The following SUGCT variants were observed in gnomAD, a reference collection of about 807,000 sequenced individuals.
SUGCT encodes succinyl-CoA:glutarate-CoA transferase.
Under a neutral mutation model 55.0 loss-of-function variants are expected in SUGCT, and 41 were observed. That is an observed-to-expected ratio of 0.74 (90% confidence interval 0.58 to 0.97). SUGCT has a LOEUF of 0.97. Ranked by LOEUF, SUGCT falls within the 50% of genes least tolerant of loss-of-function variation. The probability of loss-of-function intolerance (pLI) is 0.00; values close to 1 mark genes in which losing one functional copy is unlikely to be tolerated. For synonymous variants in SUGCT, 187 were observed against 200.4 expected, an observed-to-expected ratio of 0.93 and a Z score of 0.56; for missense variants, 568 against 547.8, an observed-to-expected ratio of 1.04 and a Z score of -0.37.
At chr7:40,730,596 G>A (rs538839559) in intron 12 of SUGCT, among the ~76,000 whole-genome samples, 75 of 152,216 alleles carry the variant, frequency 4.9e-4, no homozygotes, top group South Asian at 2.5e-3. Context: ...AATGCAATAC[G>A]TTATTATTAA....
chr7:40,163,183 T>C (rs559855732), intron 1 of SUGCT, among the ~76,000 whole-genome samples: 1 of 152,226 alleles, frequency 6.6e-6, no homozygotes, highest in Admixed American at 6.5e-5. Flanking sequence ...AGCTGGAAAA[T>C]GTGGAAGAGC....
At chr7:40,627,188 A>G (rs1799563889) in intron 12 of SUGCT, among the ~76,000 whole-genome samples, 1 of 152,230 alleles carries the variant, frequency 6.6e-6, no homozygotes, top group South Asian at 2.1e-4. Context: ...AGAATTAGAC[A>G]AAATGCACAA....
intron 9 of SUGCT, among the ~76,000 whole-genome samples, chr7:40,368,457 A>G (rs1030828375): frequency 1.3e-5 from 2 of 152,026 alleles, no homozygotes; most frequent in African/African-American, 4.8e-5. Flanking sequence ...TTGCCCTCCC[A>G]AAGTGCTGGG....
intron 12 of SUGCT, among the ~76,000 whole-genome samples, chr7:40,594,587 G>A (rs1353219329): frequency 1.3e-5 from 2 of 152,138 alleles, no homozygotes; most frequent in Non-Finnish European, 2.9e-5. Context: ...AGGAGTCTGA[G>A]TCAAACTATG....
At chr7:40,884,415 G>C in the SUGCT span, among the ~76,000 whole-genome samples, 3 of 152,214 alleles carry the variant, frequency 2.0e-5, no homozygotes, top group Admixed American at 2.0e-4. Flanking sequence ...TCCCTGGAGA[G>C]ATGGGATGTC....
chr7:40,136,345 C>T (rs943524675), intron 1 of SUGCT, among the ~76,000 whole-genome samples: 3 of 152,170 alleles, frequency 2.0e-5, no homozygotes, highest in African/African-American at 7.2e-5. Flanking sequence ...AAATCATAGC[C>T]TAACGGGTAG....
At chr7:40,443,643 T>C (rs2151417614) in intron 9 of SUGCT, among the ~76,000 whole-genome samples, 1 of 152,340 alleles carries the variant, frequency 6.6e-6, no homozygotes, top group African/African-American at 2.4e-5. Context: ...GATGGGTAGA[T>C]TGCAAAAATT....
At chr7:40,793,660 T>C (rs1237061908) in intron 13 of SUGCT, among the ~76,000 whole-genome samples, 3 of 152,144 alleles carry the variant, frequency 2.0e-5, no homozygotes, top group Non-Finnish European at 1.5e-5. Context: ...TATTATCTTG[T>C]TTATAATTTG....
rs541902306 is a variant in SUGCT at position 40,606,018 on chromosome 7, C to T, written c.1089+109632C>T. ...TCGTATTCAGTCGGAGAAGGCAAGT[C>T]GTTGAACGACTGTCACTAGGAGAGT... On this transcript the variant is annotated intron_variant, in intron 12 of 13. Coordinates refer to ENST00000335693, the MANE Select transcript of SUGCT (RefSeq NM_001193313.2). Among the ~76,000 whole-genome samples the T allele has an allele frequency of 4.1e-4, 63 of 152,226 alleles. 1 individual carries two copies. The highest frequency in any genetic ancestry group is 6.8e-3 in the Middle Eastern group (2 of 294).
intron 13 of SUGCT, among the ~76,000 whole-genome samples, chr7:40,845,841 T>C (rs1313097112): frequency 1.3e-5 from 2 of 152,130 alleles, no homozygotes; most frequent in African/African-American, 4.8e-5. Flanking sequence ...GGGGAAGGAA[T>C]AGAAGATGGT....
At chr7:40,612,142 C>T (rs751012016) in intron 12 of SUGCT, among the ~76,000 whole-genome samples, 19 of 151,934 alleles carry the variant, frequency 1.3e-4, no homozygotes, top group African/African-American at 3.9e-4. Flanking sequence ...ATGGATAGGC[C>T]GTTTTTCAAA....
At chr7:41,028,624 A>C in the SUGCT span, among the ~76,000 whole-genome samples, 2 of 152,232 alleles carry the variant, frequency 1.3e-5, no homozygotes, top group South Asian at 4.1e-4. Flanking sequence ...CAATTGTTAC[A>C]TAATGATAAG....
chr7:40,883,625 C>A, the SUGCT span, among the ~76,000 whole-genome samples: 1 of 152,236 alleles, frequency 6.6e-6, no homozygotes, highest in African/African-American at 2.4e-5. Context: ...AGAATAAGGC[C>A]TTGTTAAATG....
At chr7:40,594,092 G>A (rs971398823) in intron 12 of SUGCT, among the ~76,000 whole-genome samples, 1 of 151,886 alleles carries the variant, frequency 6.6e-6, no homozygotes, top group Non-Finnish European at 1.5e-5. Flanking sequence ...ACCAAACACC[G>A]CATATTCTCA....
At chr7:40,522,780 A>G (rs1338824327) in intron 12 of SUGCT, among the ~76,000 whole-genome samples, 3 of 152,060 alleles carry the variant, frequency 2.0e-5, no homozygotes, top group Non-Finnish European at 4.4e-5. Context: ...TGCAGATATA[A>G]TACAAAATGT....
chr7:41,003,337 T>C, the SUGCT span, among the ~76,000 whole-genome samples: 2 of 152,122 alleles, frequency 1.3e-5, no homozygotes, highest in Non-Finnish European at 2.9e-5. Flanking sequence ...AAAGAAGAAT[T>C]GTCATAAATA....
chr7:40,448,098 G>T (rs967110478), intron 9 of SUGCT, among the ~76,000 whole-genome samples: 1 of 152,184 alleles, frequency 6.6e-6, no homozygotes, highest in South Asian at 2.1e-4. Context: ...GAGGTCCAGA[G>T]AGATACTGAT....
At chr7:40,375,314 T>C (rs1170599666) in intron 9 of SUGCT, among the ~76,000 whole-genome samples, 1 of 152,204 alleles carries the variant, frequency 6.6e-6, no homozygotes, top group Non-Finnish European at 1.5e-5. Context: ...TTTGTGTATG[T>C]AGAAGATTAT....
At chr7:40,407,562 C>CA (rs1238492087) in intron 9 of SUGCT, among the ~76,000 whole-genome samples, 1 of 150,910 alleles carries the variant, frequency 6.6e-6, no homozygotes, top group African/African-American at 2.4e-5. Context: ...AAGATCATGC[C>CA]AAAAAAAAGA....
Sources: allele counts gnomAD v4.1 joint callset (sites outside exome capture counted in the v4.1 genomes callset), GRCh38; gene constraint gnomAD v4.1.1; transcripts MANE v1.5; gene names NCBI Gene and HGNC (gene_info 2026-07-23, HGNC 2026-07-21).